TTN: variants seen among roughly 807,000 people sequenced by gnomAD.
The protein encoded by TTN is connectin.
Under a neutral mutation model 3,223.0 loss-of-function variants are expected in TTN, and 1,525 were observed. That is an observed-to-expected ratio of 0.47 (90% CI 0.45 to 0.49). TTN has a LOEUF of 0.49. Ranked by LOEUF, TTN falls within the 20% of genes least tolerant of loss-of-function variation. TTN has a pLI of 0.00. For missense variants in TTN, 40,786 were observed against 43,424.0 expected (o/e 0.94, Z 5.40); for synonymous variants, 14,094 against 15,161.0 (o/e 0.93, Z 5.17).
At position 178,549,965 on chromosome 2, in the gene TTN, A is replaced by C. The variant is rs756969268; in HGVS notation, c.91852+21T>G. Reference sequence around the variant, plus strand: ...ATCCAAGTTCATAAATTGTAGCATTAAGAAGCTATTTTAAAAGTACCTTGT... The same window carrying C: ...ATCCAAGTTCATAAATTGTAGCATTCAGAAGCTATTTTAAAAGTACCTTGT... On this transcript the variant is annotated intron_variant, in intron 337 of 362. Coordinates refer to ENST00000589042, the MANE Select transcript of TTN (RefSeq NM_001267550.2). The C allele has an allele frequency of 4.4e-6, 7 of 1,587,426 alleles. No homozygotes were observed. In the South Asian group the frequency reaches 8.1e-5, roughly 18 times the overall value.
Position 178,618,473 on chromosome 2 carries a change from C to T in TTN, c.46985G>A (p.Arg15662His), listed in dbSNP as rs1457971549. 10 of 1,612,228 alleles carry T rather than the reference C, an allele frequency of 6.2e-6. No individual in the cohort carries two copies. The highest frequency in any genetic ancestry group is 4.5e-5 in the East Asian group (2 of 44,630). ...LKVIDVPGPVRNLEVTETFDG... is the reference protein window; with the variant it reads ...LKVIDVPGPVHNLEVTETFDG... The stretch of plus-strand genomic sequence containing the variant: ...AAATGTTTCTGTCACTTCTAAGTTA[C>T]GTACTGGCCCAGGAACATCTGAAAT... Residue 15662 changes from arginine to histidine, a missense_variant, in exon 252 of 363, where the codon CGT becomes CAT. By Grantham distance (29) the Arg-to-His change is conservative. Transcript: ENST00000589042.
Position 178,570,950 on chromosome 2 carries a change from A to G in TTN, c.75182T>C (p.Ile25061Thr), listed in dbSNP as rs1455981724. 1 of 1,613,552 alleles carries G rather than the reference A, an allele frequency of 6.2e-7. No individual in the cohort carries two copies. Among genetic ancestry groups the G allele is most frequent in the East Asian group, 2.2e-5 (1 of 44,836 alleles). Reference sequence around the variant, plus strand: ...AGTTACTTCAAAATGAGTGTCAATAATATTTGTAAAACTGGCTTTCATCCA... The same window carrying G: ...AGTTACTTCAAAATGAGTGTCAATAGTATTTGTAAAACTGGCTTTCATCCA... ...GRWMKASFTN[I>T]IDTHFEVTGL... The change falls in exon 326 of 363, where the codon ATT (isoleucine) becomes ACT (threonine). Residue 25061 changes from isoleucine (I) to threonine (T), a missense_variant. Physicochemically the swap from Ile to Thr is moderately conservative, Grantham distance 89 (BLOSUM62 -1). Coordinates refer to ENST00000589042, the MANE Select transcript of TTN (RefSeq NM_001267550.2).
rs1576178489 is a variant in TTN, at chr2:178,595,418, A to T, written c.57847+89T>A. On this transcript the variant is annotated intron_variant, in intron 295 of 362. Transcript: ENST00000589042. The stretch of plus-strand genomic sequence containing the variant: ...ACTGCTTGTCAAGTGAATGAAATGT[A>T]CGGCATTTATACACATATTTTTTCA... 3 of 1,252,222 alleles carry T rather than the reference A, an allele frequency of 2.4e-6. No individual in the cohort carries two copies. The East Asian group carries it at 7.6e-5, about 32-fold the overall frequency. The allele number at this position is 1,252,222 out of a possible 1,614,324, so 77.6% of individuals were successfully genotyped here.
Position 178,533,438 on chromosome 2 carries a change from T to G in TTN, c.103177A>C (p.Thr34393Pro), listed in dbSNP as rs947426325. The change falls in exon 358 of 363, where the codon ACA becomes CCA. Residue 34393 changes from threonine to proline, a missense_variant. Thr to Pro is a conservative substitution (Grantham distance 38). Coordinates refer to ENST00000589042, the MANE Select transcript of TTN (RefSeq NM_001267550.2). ...EIRVSGIPPPTLKWEKDGQPL... is the reference protein window; with the variant it reads ...EIRVSGIPPPPLKWEKDGQPL... ...TGACCATCTTTCTCCCATTTTAATG[T>G]TGGTGGGGGGATGCCAGACACTCTG... The G allele has an allele frequency of 1.1e-5, 17 of 1,613,736 alleles. No homozygotes were observed. The highest frequency in any genetic ancestry group is 3.3e-5 in the Admixed American group (2 of 59,994).
rs1333544444 is a variant in TTN, at chr2:178,697,129, G to A, written c.30794C>T (p.Pro10265Leu). The change falls in exon 113 of 363, where the codon CCA becomes CTA. Residue 10265 changes from proline to leucine, a missense_variant. By Grantham distance (98) the Pro-to-Leu change is moderately conservative. Coordinates refer to ENST00000589042, the MANE Select transcript of TTN (RefSeq NM_001267550.2). The part of the protein sequence containing the change: ...KKPPPPTTLI[P>L]AKAPEIIDVS... ...AATTTATCTTTATTTACCTTTTGCT[G>A]GAATTAAGGTAGTAGGAGGTGGAGG... 2 of 1,551,584 alleles carry A rather than the reference G, an allele frequency of 1.3e-6. No homozygotes were observed. Among genetic ancestry groups the A allele is most frequent in the Non-Finnish European group, 1.7e-6 (2 of 1,146,360 alleles).
chr2:178,715,687 G>A lies in TTN; in HGVS notation c.25727C>T (p.Ser8576Phe), dbSNP rs376095355. The change falls in exon 89 of 363, where the codon TCT becomes TTT. Residue 8576 changes from serine (S) to phenylalanine (F), a missense_variant. Ser to Phe is a radical substitution (Grantham distance 155). Coordinates refer to ENST00000589042, the MANE Select transcript of TTN (RefSeq NM_001267550.2). ...FTRYECKIGG[S>F]PEIKVLWYKD... ...ATACCATAAAACTTTGATTTCTGGA[G>A]ACCCACCGATTTTGCATTCATACCT... The A allele has an allele frequency of 1.1e-5, 17 of 1,611,266 alleles. No individual in the cohort carries two copies. The highest frequency in any genetic ancestry group is 1.1e-5 in the Non-Finnish European group (13 of 1,178,518).
rs1270983939 is a variant in TTN at position 178,678,207 on chromosome 2, C to A, written c.33912G>T (p.Val11304=). ...GGATGAGCTTCTTGGGCACCTCTGG[C>A]ACTTTAAAGATATTATTTATATTTA... ...PKKVEAPPAK[V]PEVPKKLIPE... The change falls in exon 145 of 363, where the codon GTG becomes GTT. Residue 11304 remains valine (V), a splice_region_variant and synonymous_variant. Coordinates refer to ENST00000589042, the MANE Select transcript of TTN (RefSeq NM_001267550.2). 1.9e-6 allele frequency: 3 copies of A among 1,604,226 alleles called. No individual in the cohort carries two copies. Among genetic ancestry groups the A allele is most frequent in the South Asian group, 1.1e-5 (1 of 88,444 alleles).
chr2:178,635,147 A>G lies in TTN; in HGVS notation c.42024+18T>C, dbSNP rs1437873483. 5 of 1,608,526 alleles carry G rather than the reference A, an allele frequency of 3.1e-6. No individual in the cohort carries two copies. Among genetic ancestry groups the G allele is most frequent in the Admixed American group, 1.7e-5 (1 of 58,580 alleles). On this transcript the variant is annotated intron_variant, in intron 228 of 362. Transcript: ENST00000589042. ...GTTATTTTATATGACTAACAATTTAAAATGTGAAATTACTCACAGGTGAGG... is the reference window on the plus strand; with the variant it reads ...GTTATTTTATATGACTAACAATTTAGAATGTGAAATTACTCACAGGTGAGG...
Position 178,723,030 on chromosome 2 carries a change from C to T in TTN, c.21961+16G>A, listed in dbSNP as rs1249407073. 1 of 1,610,364 alleles carries T rather than the reference C, an allele frequency of 6.2e-7. No homozygotes were observed. Among genetic ancestry groups the T allele is most frequent in the Non-Finnish European group, 8.5e-7 (1 of 1,178,240 alleles). On this transcript the variant is annotated intron_variant, in intron 75 of 362. Transcript: ENST00000589042. Reference sequence around the variant, plus strand: ...AGAAGAATGCAAATGATTTAAGAGACAATAAGACAACACACCTAATGTAGA... The same window carrying T: ...AGAAGAATGCAAATGATTTAAGAGATAATAAGACAACACACCTAATGTAGA...
At position 178,652,455 on chromosome 2, in the gene TTN, T is replaced by C; in HGVS notation, c.39127+3A>G. The C allele has an allele frequency of 8.1e-6, 13 of 1,613,392 alleles. No homozygotes were observed. Among genetic ancestry groups the C allele is most frequent in the Non-Finnish European group, 1.0e-5 (12 of 1,179,492 alleles). On this transcript the variant is annotated splice_donor_region_variant and intron_variant, in intron 202 of 362. Transcript: ENST00000589042. ...TCTGAAGCCTAAAATCAGTGACAAATACCTTTAACAGGTGTGACTTCAGGC... is the reference window on the plus strand; with the variant it reads ...TCTGAAGCCTAAAATCAGTGACAAACACCTTTAACAGGTGTGACTTCAGGC...
At position 178,560,491 on chromosome 2, in the gene TTN, T is replaced by C; in HGVS notation, c.85641A>G (p.Pro28547=). The change falls in exon 326 of 363, where the codon CCA becomes CCG. Residue 28547 remains proline (P), a synonymous_variant. Transcript: ENST00000589042. The part of the protein sequence containing the change: ...LESVAIKALD[P]FTVPSPPTSL... ...ACGTGGGTGGACTTGGAACTGTAAATGGATCTAGTGCCTTTATAGCTACAC... is the reference window on the plus strand; with the variant it reads ...ACGTGGGTGGACTTGGAACTGTAAACGGATCTAGTGCCTTTATAGCTACAC... 1 of 1,613,170 alleles carries C rather than the reference T, an allele frequency of 6.2e-7. No individual in the cohort carries two copies.
In TTN at chr2:178,758,123, C is replaced by T. The variant is rs142158088; in HGVS notation, c.10304-207G>A. Among the ~76,000 whole-genome samples, 4,081 of 152,240 alleles carry T rather than the reference C, an allele frequency of 0.027. 91 individuals carry two copies. The highest frequency in any genetic ancestry group is 0.04 in the Admixed American group (605 of 15,288). On this transcript the variant is annotated intron_variant, in intron 44 of 362. Transcript: ENST00000589042. ...AGAAGCAAGCTGAGACATGAATGGG[C>T]TAAGGAACTTCACTACATTGTTCAT...
At chr2:178,751,960 G>T in intron 47 of TTN, 1 of 1,588,440 alleles carries the variant, frequency 6.3e-7, no homozygotes, top group Non-Finnish European at 8.5e-7. Flanking sequence ...CCATGGATTT[G>T]TGGTCTATGT....
chr2:178,545,759 C>T (rs961888660), intron 343 of TTN, 61 bp downstream of exon 343: 2 of 1,597,568 alleles, frequency 1.3e-6, no homozygotes, highest in African/African-American at 2.7e-5. Context: ...GCCCTTCTCC[C>T]TTCTCCCCCT....
chr2:178,799,723 T>C lies in TTN; in HGVS notation c.678A>G (p.Glu226=), dbSNP rs1001744835. The C allele has an allele frequency of 9.3e-6, 15 of 1,614,056 alleles. No individual in the cohort carries two copies. In the African/African-American group the frequency reaches 1.3e-4, roughly 14 times the overall value. Residue 226 remains glutamate, a synonymous_variant, in exon 6 of 363, where the codon GAA becomes GAG. Transcript: ENST00000589042. ...SRQTRIEKKI[E]AHFDARSIAT... ...CAATTGATCTGGCATCAAAGTGGGC[T>C]TCAATCTTCTGTAAAAGATTAAAAC...
In TTN at chr2:178,579,014, T is replaced by A; in HGVS notation, c.68016A>T (p.Gly22672=). ...TLKWAPPKDD[G]GSEITNYILE... is the part of the protein sequence containing the mutation. ...GGATATAGTTGGTGATTTCAGAACC[T>A]CCATCATCCTTTGGAGGAGCCCACT... The change falls in exon 320 of 363, where the codon GGA becomes GGT. Residue 22672 remains glycine, a synonymous_variant. Transcript: ENST00000589042. The A allele has an allele frequency of 6.2e-7, 1 of 1,613,244 alleles. No individual in the cohort carries two copies. The highest frequency in any genetic ancestry group is 8.5e-7 in the Non-Finnish European group (1 of 1,179,504).
At chr2:178,801,853 T>A (rs1386894392) in intron 3 of TTN, among the ~76,000 whole-genome samples, 6 of 152,204 alleles carry the variant, frequency 3.9e-5, no homozygotes, top group Admixed American at 3.9e-4. Context: ...CAAGCTTTTC[T>A]ACTTGCTGAG....
chr2:178,653,165 A>C, intron 198 of TTN, 41 bp from the exon 199 acceptor site: 1 of 1,611,690 alleles, frequency 6.2e-7, no homozygotes, highest in South Asian at 1.1e-5. Context: ...GGGGTTATGA[A>C]GACCACTGGA....
intron 234 of TTN, 51 bp from the exon 235 acceptor site, chr2:178,632,843 C>T: frequency 1.2e-6 from 2 of 1,612,404 alleles, no homozygotes; most frequent in East Asian, 2.2e-5. Flanking sequence ...CATTGATGAC[C>T]CTTGATCAAT....
Sources: allele counts gnomAD v4.1 joint callset (sites outside exome capture counted in the v4.1 genomes callset), GRCh38; gene constraint gnomAD v4.1.1; transcripts MANE v1.5; gene names NCBI Gene and HGNC (gene_info 2026-07-23, HGNC 2026-07-21).